Variants in ANKFN1 observed in about 807,000 individuals in gnomAD.
The protein encoded by ANKFN1 is ankyrin repeat and fibronectin type III domain containing 1, also known as ankyrin repeat and fibronectin type-III domain-containing protein 1.
A neutral mutation model predicts 108.7 loss-of-function variants in ANKFN1; 74 were observed. The observed-to-expected ratio is 0.68, with a 90% CI of 0.56 to 0.83. The LOEUF is 0.83. Ranked by LOEUF, ANKFN1 falls within the 40% of genes least tolerant of loss-of-function variation. ANKFN1 has a pLI of 0.00. For synonymous variants in ANKFN1, 547 were observed against 516.2 expected (o/e 1.06, Z -0.81); for missense variants, 1,505 against 1,382.3 (o/e 1.09, Z -1.41).
chr17:56,280,760 A>G (rs1030209092), intron 3 of ANKFN1, among the ~76,000 whole-genome samples: 8 of 152,170 alleles, frequency 5.3e-5, no homozygotes, highest in Admixed American at 3.9e-4. Context: ...TGCAAAGGAT[A>G]TAGAATAGTC....
At chr17:56,278,078 T>C (rs938022790) in intron 3 of ANKFN1, among the ~76,000 whole-genome samples, 2 of 152,222 alleles carry the variant, frequency 1.3e-5, no homozygotes, top group African/African-American at 2.4e-5. Flanking sequence ...ATATTATCAA[T>C]TGATAACTTG....
At chr17:56,153,264 C>A (rs943018161), upstream of ANKFN1, among the ~76,000 whole-genome samples, 1 of 152,210 alleles carries the variant, frequency 6.6e-6, no homozygotes, top group East Asian at 1.9e-4. Context: ...TTCACCATTT[C>A]TTTCATTCTT....
intron 6 of ANKFN1, among the ~76,000 whole-genome samples, chr17:56,355,057 CAGTT>C (rs1421780974): frequency 1.5e-4 from 23 of 152,154 alleles, no homozygotes; most frequent in Middle Eastern, 3.4e-3. Context: ...GAATGGTTAA[CAGTT>C]AGGTATTGTA....
chr17:56,186,383 C>A (rs1315890064), intron 1 of ANKFN1, among the ~76,000 whole-genome samples: 1 of 151,598 alleles, frequency 6.6e-6, no homozygotes, highest in Non-Finnish European at 1.5e-5. Flanking sequence ...GTTTGATCCT[C>A]AATAACGTGA....
At chr17:56,253,604 G>A (rs906034178) in intron 3 of ANKFN1, among the ~76,000 whole-genome samples, 6 of 152,152 alleles carry the variant, frequency 3.9e-5, no homozygotes, top group African/African-American at 1.4e-4. Context: ...AGGGCATGGT[G>A]GCATGCACCT....
intron 8 of ANKFN1, among the ~76,000 whole-genome samples, chr17:56,409,091 A>AT (rs34856249): frequency 0.62 from 94,671 of 151,572 alleles, 31,106 homozygotes; most frequent in East Asian, 0.96. Flanking sequence ...TGCCCAGCTA[A>AT]TTTTTGTATT....
intron 3 of ANKFN1, among the ~76,000 whole-genome samples, chr17:56,277,423 C>CATA (rs1045815659): frequency 6.6e-6 from 1 of 151,766 alleles, no homozygotes; most frequent in Non-Finnish European, 1.5e-5. Context: ...CCTGTAGTAG[C>CATA]ATAATAATAA....
At chr17:56,462,833 G>C (rs2049953510) in intron 14 of ANKFN1, among the ~76,000 whole-genome samples, 2 of 152,070 alleles carry the variant, frequency 1.3e-5, no homozygotes, top group South Asian at 4.1e-4. Flanking sequence ...TCCATACTTT[G>C]GCCAGAGTAG....
intron 8 of ANKFN1, among the ~76,000 whole-genome samples, chr17:56,401,205 C>T (rs1164994012): frequency 1.3e-5 from 2 of 152,134 alleles, no homozygotes; most frequent in Non-Finnish European, 2.9e-5. Context: ...GATATTGGTT[C>T]TACCCATCCA....
chr17:56,228,007 C>A, intron 3 of ANKFN1, 50 bp downstream of exon 3: 1 of 1,485,244 alleles, frequency 6.7e-7, no homozygotes. Context: ...GCTGTAATTC[C>A]TAAAGCCTCC....
chr17:56,122,372 C>T (rs1307795636), intron 4 of ANKFN1, among the ~76,000 whole-genome samples: 1 of 152,166 alleles, frequency 6.6e-6, no homozygotes, highest in African/African-American at 2.4e-5. Flanking sequence ...CTGAGATCTT[C>T]TTTGTTGTCA....
intron 15 of ANKFN1, 70 bp downstream of exon 15, chr17:56,466,641 A>G: frequency 7.3e-7 from 1 of 1,364,032 alleles, no homozygotes; most frequent in Non-Finnish European, 1.0e-6. Context: ...GGTCTAGTGA[A>G]ATATTGCAAG....
At chr17:56,376,658 C>A (rs1415275024) in intron 8 of ANKFN1, among the ~76,000 whole-genome samples, 1 of 152,198 alleles carries the variant, frequency 6.6e-6, no homozygotes, top group Non-Finnish European at 1.5e-5. Flanking sequence ...TACTTGCCCA[C>A]AATGCCGGCA....
intron 8 of ANKFN1, among the ~76,000 whole-genome samples, chr17:56,424,192 CT>C (rs1473961681): frequency 6.6e-5 from 10 of 152,300 alleles, no homozygotes; most frequent in Admixed American, 6.5e-4. Context: ...CATCATGGAC[CT>C]GCACTGATCT....
chr17:56,370,059 A>C (rs535554321), intron 6 of ANKFN1, among the ~76,000 whole-genome samples: 1 of 152,268 alleles, frequency 6.6e-6, no homozygotes, highest in East Asian at 1.9e-4. Context: ...ACATTCATTC[A>C]TATTGTGTTT....
intron 6 of ANKFN1, 123 bp downstream of exon 6, chr17:56,354,169 T>C (rs1232897104): frequency 2.2e-6 from 2 of 925,366 alleles, no homozygotes; most frequent in Admixed American, 2.4e-5. Flanking sequence ...CTGATAGGCT[T>C]TGGATGTTTT....
chr17:56,402,702 T>G (rs1408684101), intron 8 of ANKFN1, among the ~76,000 whole-genome samples: 2 of 152,142 alleles, frequency 1.3e-5, no homozygotes, highest in African/African-American at 4.8e-5. Context: ...TTCAATTTCA[T>G]TTAGTTCTGC....
chr17:56,082,884 T>G (rs1905265624), intron 4 of ANKFN1, among the ~76,000 whole-genome samples: 1 of 141,566 alleles, frequency 7.1e-6, no homozygotes, highest in African/African-American at 2.5e-5. Flanking sequence ...TTTAGGTAAA[T>G]TTGAGATGAA....
intron 14 of ANKFN1, chr17:56,462,157 C>T (rs1369618724): frequency 3.3e-5 from 5 of 152,106 alleles, no homozygotes; most frequent in Admixed American, 1.3e-4. Flanking sequence ...TCTGGAAATA[C>T]TGAAGGCACC....
Sources: allele counts gnomAD v4.1 joint callset (sites outside exome capture counted in the v4.1 genomes callset), GRCh38; gene constraint gnomAD v4.1.1; transcripts MANE v1.5; gene names NCBI Gene and HGNC (gene_info 2026-07-23, HGNC 2026-07-21).